The following VWA8 variants were observed in gnomAD, a reference collection of about 807,000 sequenced individuals.
The protein encoded by VWA8 is von Willebrand factor A domain-containing protein 8.
A neutral mutation model predicts 241.5 loss-of-function variants in VWA8; 221 were observed. That is an observed-to-expected ratio of 0.91 (90% CI 0.82 to 1.02). VWA8 has a LOEUF of 1.02. VWA8 is among the 50% of genes least tolerant of loss of function. The pLI is 0.00. For synonymous variants in VWA8, 852 were observed against 827.1 expected (o/e 1.03, Z -0.52); for missense variants, 2,322 against 2,328.7 (o/e 1.00, Z 0.06).
At position 41,907,668 on chromosome 13, in the gene VWA8, A is replaced by G. The variant is rs1875788595; in HGVS notation, c.401T>C (p.Ile134Thr). 2 of 1,614,060 alleles carry G rather than the reference A, an allele frequency of 1.2e-6. No individual in the cohort carries two copies. Residue 134 changes from isoleucine (I) to threonine (T), a missense_variant, in exon 4 of 45, where the codon ATT (isoleucine) becomes ACT (threonine). By Grantham distance (89) the Ile-to-Thr change is moderately conservative. Coordinates refer to ENST00000379310, the MANE Select transcript of VWA8 (RefSeq NM_015058.2). Reference protein sequence around the residue: ...LELTKREVEYIALSRDTTETD... With the variant: ...LELTKREVEYTALSRDTTETD... Reference sequence around the variant, plus strand: ...TTCAGTGGTGTCCCTTGACAGGGCAATGTATTCGACCTCCCGTTTGGTCAG... The same window carrying G: ...TTCAGTGGTGTCCCTTGACAGGGCAGTGTATTCGACCTCCCGTTTGGTCAG...
chr13:41,767,727 C>G (rs1181640893), intron 20 of VWA8, among the ~76,000 whole-genome samples: 1 of 152,200 alleles, frequency 6.6e-6, no homozygotes, highest in African/African-American at 2.4e-5. Context: ...ACCTCCCTAT[C>G]AAAATCATAA....
chr13:41,812,067 C>T (rs1173913810), intron 16 of VWA8, among the ~76,000 whole-genome samples: 1 of 152,096 alleles, frequency 6.6e-6, no homozygotes, highest in Admixed American at 6.6e-5. Context: ...ATTACTTAAC[C>T]TTTCCAAGGC....
chr13:41,617,990 C>A (rs111592355), intron 37 of VWA8, among the ~76,000 whole-genome samples: 7 of 152,274 alleles, frequency 4.6e-5, no homozygotes, highest in African/African-American at 1.7e-4. Context: ...TGGGTATATA[C>A]CCAGTAATGG....
intron 37 of VWA8, among the ~76,000 whole-genome samples, chr13:41,626,763 T>C (rs1449690860): frequency 2.0e-5 from 3 of 151,792 alleles, no homozygotes; most frequent in African/African-American, 7.3e-5. Flanking sequence ...CATACAAAAA[T>C]CAATTCAAGA....
chr13:41,676,920 A>C (rs1593690978), intron 35 of VWA8, among the ~76,000 whole-genome samples: 1 of 152,252 alleles, frequency 6.6e-6, no homozygotes, highest in East Asian at 1.9e-4. Flanking sequence ...GGTGTGAGCC[A>C]CCACCCCCAG....
chr13:41,926,711 C>T (rs542157566), intron 2 of VWA8: 42 of 536,606 alleles, frequency 7.8e-5, no homozygotes, highest in Non-Finnish European at 1.3e-4. Flanking sequence ...CCCAGATGGC[C>T]CATAGGGCCA....
At chr13:41,590,063 G>GC (rs138011633) in intron 41 of VWA8, among the ~76,000 whole-genome samples, 7,265 of 152,236 alleles carry the variant, frequency 0.048, 346 homozygotes, top group African/African-American at 0.11. Context: ...TTTTCCCTTG[G>GC]CCCCTACAAT....
intron 41 of VWA8, among the ~76,000 whole-genome samples, chr13:41,588,949 CA>C (rs2044437366): frequency 6.6e-6 from 1 of 152,178 alleles, no homozygotes; most frequent in Non-Finnish European, 1.5e-5. Context: ...CTCACAATTT[CA>C]GATGTATCCA....
chr13:41,699,211 T>C lies in VWA8; in HGVS notation c.3424A>G (p.Asn1142Asp). The C allele has an allele frequency of 6.2e-7, 1 of 1,614,172 alleles. No homozygotes were observed. Among genetic ancestry groups the C allele is most frequent in the East Asian group, 2.2e-5 (1 of 44,872 alleles). The change falls in exon 29 of 45, where the codon AAT (asparagine) becomes GAT (aspartate). Residue 1142 changes from asparagine to aspartate, a missense_variant. Transcript: ENST00000379310. ...AAGAAGCCACTTTTCCCAGTCATATTCATAAAGTACAGGGAAGCGGGATTG... is the reference window on the plus strand; with the variant it reads ...AAGAAGCCACTTTTCCCAGTCATATCCATAAAGTACAGGGAAGCGGGATTG... ...TCNPASLYFM[N>D]MTGKSGFFVD... is the part of the protein sequence containing the mutation.
chr13:41,803,206 T>C (rs529066666), intron 17 of VWA8, among the ~76,000 whole-genome samples: 9 of 152,274 alleles, frequency 5.9e-5, no homozygotes, highest in African/African-American at 2.2e-4. Flanking sequence ...GAAGGACATG[T>C]ACAAACAAGC....
chr13:41,643,851 G>C (rs996131871), intron 37 of VWA8, among the ~76,000 whole-genome samples: 1 of 151,944 alleles, frequency 6.6e-6, no homozygotes, highest in African/African-American at 2.4e-5. Flanking sequence ...CCATCCTCTC[G>C]GTGGGAGAGC....
chr13:41,959,606 C>CTTTTTGTTTTT (rs1878513752), intron 1 of VWA8, among the ~76,000 whole-genome samples: 1 of 79,648 alleles, frequency 1.3e-5, no homozygotes, highest in South Asian at 5.9e-4. Context: ...CCTAAATATG[C>CTTTTTGTTTTT]TTTTTTTTTT....
intron 41 of VWA8, 89 bp from the exon 42 acceptor site, chr13:41,587,759 G>GC: frequency 6.6e-7 from 1 of 1,515,494 alleles, no homozygotes; most frequent in South Asian, 1.3e-5. Context: ...GCTCCAGCGT[G>GC]CCAGCCCCGA....
rs557806582 is a variant in VWA8, at chr13:41,619,379, T to C, written c.4612-4295A>G. On this transcript the variant is annotated intron_variant, in intron 37 of 44. Coordinates refer to ENST00000379310, the MANE Select transcript of VWA8 (RefSeq NM_015058.2). ...TTAAGGAGATTTTGGGCTGAGACAA[T>C]GGGGTTTTCTAAATGTACAATCATG... Among the ~76,000 whole-genome samples, 138 of 152,344 alleles carry C rather than the reference T, an allele frequency of 9.1e-4. 1 individual carries two copies. In the South Asian group the frequency reaches 0.015, roughly 16 times the overall value.
chr13:41,711,245 A>C (rs17449722), intron 26 of VWA8, among the ~76,000 whole-genome samples: 26,414 of 152,220 alleles, frequency 0.17, 2,433 homozygotes, highest in Non-Finnish European at 0.22. Flanking sequence ...ACAGTAGATG[A>C]CAGAAGCTAT....
At chr13:41,874,213 C>T (rs1237084483) in intron 9 of VWA8, among the ~76,000 whole-genome samples, 45 of 150,388 alleles carry the variant, frequency 3.0e-4, no homozygotes, top group Admixed American at 9.9e-4. Context: ...CTATGACAAA[C>T]CCACAGCCAA....
At chr13:41,601,756 C>T (rs563128688) in intron 40 of VWA8, among the ~76,000 whole-genome samples, 1 of 152,172 alleles carries the variant, frequency 6.6e-6, no homozygotes, top group South Asian at 2.1e-4. Flanking sequence ...CTATCTTAAT[C>T]GAGAGGAAAG....
At chr13:41,684,597 A>G (rs985806396) in intron 35 of VWA8, among the ~76,000 whole-genome samples, 5 of 152,174 alleles carry the variant, frequency 3.3e-5, no homozygotes, top group Non-Finnish European at 7.4e-5. Flanking sequence ...GTGAATTTAT[A>G]CAAGGAAAGG....
intron 9 of VWA8, among the ~76,000 whole-genome samples, chr13:41,877,810 A>G (rs942202440): frequency 1.3e-5 from 2 of 152,124 alleles, no homozygotes; most frequent in African/African-American, 2.4e-5. Context: ...CTCAAAGTAT[A>G]GCAGATTCAG....
Sources: gnomAD v4.1 joint callset for allele counts (sites outside exome capture counted in the v4.1 genomes callset) on GRCh38, gnomAD v4.1.1 for gene constraint, MANE v1.5 for transcripts, NCBI Gene and HGNC (gene_info 2026-07-23, HGNC 2026-07-21) for gene names.